The following NLGN1 variants were observed in gnomAD, a reference collection of about 807,000 sequenced individuals.
NLGN1 encodes the protein neuroligin-1.
NLGN1 carries 12 observed loss-of-function variants against 65.5 expected under a neutral mutation model. The ratio of observed to expected loss-of-function variants is 0.18; its 90% confidence interval spans 0.12 to 0.30. The LOEUF (loss-of-function observed/expected upper bound fraction) is 0.30, where lower values mean the gene tolerates loss of function less well. Among genes scored for constraint, NLGN1 ranks in the 10% least tolerant of loss-of-function variants. The pLI is 1.00. For synonymous variants in NLGN1, 350 were observed against 359.5 expected, an observed-to-expected ratio of 0.97 and a Z score of 0.30; for missense variants, 750 against 1,007.1, an observed-to-expected ratio of 0.74 and a Z score of 3.46.
intron 1 of NLGN1, among the ~76,000 whole-genome samples, chr3:173,415,728 G>A (rs1278669913): frequency 6.6e-6 from 1 of 152,100 alleles, no homozygotes; most frequent in Non-Finnish European, 1.5e-5. Context: ...AGAGAAAAAG[G>A]TAATATATTG....
intron 3 of NLGN1, among the ~76,000 whole-genome samples, chr3:173,683,717 C>T (rs967552643): frequency 9.9e-5 from 15 of 152,060 alleles, no homozygotes; most frequent in African/African-American, 1.4e-4. Flanking sequence ...TTAGTTGATA[C>T]GATCAAATAA....
intron 4 of NLGN1, among the ~76,000 whole-genome samples, chr3:174,148,928 A>G (rs1181029723): frequency 6.6e-6 from 1 of 152,196 alleles, no homozygotes; most frequent in African/African-American, 2.4e-5. Flanking sequence ...AAGGTATTGC[A>G]GTGTGTCATT....
intron 4 of NLGN1, among the ~76,000 whole-genome samples, chr3:173,872,296 C>T (rs1053967116): frequency 6.6e-6 from 1 of 152,166 alleles, no homozygotes. Context: ...TTTTCTAATG[C>T]GTCCCCAGTG....
intron 3 of NLGN1, among the ~76,000 whole-genome samples, chr3:173,803,120 C>T (rs942062853): frequency 2.0e-5 from 3 of 151,976 alleles, no homozygotes; most frequent in South Asian, 2.1e-4. Flanking sequence ...GGGTTACAGG[C>T]GTGAGCCACC....
In NLGN1 at chr3:173,698,837, A is replaced by T. The variant is rs1766646031; in HGVS notation, c.493+93746A>T. Among the ~76,000 whole-genome samples, 5 of 110,802 alleles carry T rather than the reference A, an allele frequency of 4.5e-5. No homozygotes were observed. In the Admixed American group the frequency reaches 5.0e-4, roughly 11 times the overall value. 72.7% of individuals were successfully genotyped at this position (110,802 alleles called of 152,430 possible). A position where few individuals can be genotyped will look rare whatever the true frequency, so the allele number is the denominator to read the frequency against. On this transcript the variant is annotated intron_variant, in intron 3 of 6. Coordinates refer to ENST00000457714, the Ensembl canonical transcript of NLGN1. ...GAAATGTTGTGTATTGTGCAATTAG[A>T]AAACAGGAATTTTTTTTGTTGTTTG...
intron 4 of NLGN1, among the ~76,000 whole-genome samples, chr3:174,158,520 G>A (rs1478210451): frequency 6.6e-6 from 1 of 151,668 alleles, no homozygotes; most frequent in Non-Finnish European, 1.5e-5. Context: ...ACTACTCAGT[G>A]TTGTCTATGG....
intron 4 of NLGN1, among the ~76,000 whole-genome samples, chr3:173,857,650 G>C (rs908420578): frequency 6.6e-6 from 1 of 151,958 alleles, no homozygotes; most frequent in Admixed American, 6.6e-5. Context: ...GAAGAAGGTG[G>C]CCTCTAAAAT....
chr3:174,208,665 A>G (rs1400557011), intron 4 of NLGN1, among the ~76,000 whole-genome samples: 2 of 7,324 alleles, frequency 2.7e-4, no homozygotes, highest in South Asian at 1.9e-3. Context: ...CATTATAGGG[A>G]AAAAAAAAAA....
Position 174,280,709 on chromosome 3 carries a change from A to T in NLGN1, c.1878A>T (p.Thr626=), listed in dbSNP as rs373961313. 2.0e-5 allele frequency: 32 copies of T among 1,613,258 alleles called. No homozygotes were observed. The highest frequency in any genetic ancestry group is 2.7e-5 in the Non-Finnish European group (32 of 1,179,586). ...ACATTTCTCAGTATACCTCTACAAC[A>T]ACTAAAGTGCCATCAACTGACATCA... is the stretch of plus-strand genomic sequence containing the variant. Residue 626 remains threonine, a synonymous_variant, in exon 7 of 7, where the codon ACA becomes ACT. Transcript: ENST00000457714. This position sits in a 1 kb window ranked among gnomAD's most constrained non-coding sequence, Gnocchi z 4.9.
intron 4 of NLGN1, among the ~76,000 whole-genome samples, chr3:174,262,178 A>T (rs1197242230): frequency 8.9e-6 from 1 of 111,892 alleles, no homozygotes; most frequent in Admixed American, 8.9e-5. Context: ...TGGCTTTGAT[A>T]TCAGAATGAT....
intron 4 of NLGN1, among the ~76,000 whole-genome samples, chr3:173,957,323 C>T (rs759590625): frequency 4.6e-5 from 7 of 152,100 alleles, no homozygotes; most frequent in Non-Finnish European, 8.8e-5. Flanking sequence ...TCAAATTCTG[C>T]AGATCATAAT....
chr3:173,852,201 A>G (rs1727074389), intron 4 of NLGN1, among the ~76,000 whole-genome samples: 1 of 151,028 alleles, frequency 6.6e-6, no homozygotes, highest in South Asian at 2.1e-4. Flanking sequence ...CTAAAAATAC[A>G]AAAAATTAGC....
At chr3:173,887,812 T>C (rs753445543) in intron 4 of NLGN1, among the ~76,000 whole-genome samples, 7 of 151,992 alleles carry the variant, frequency 4.6e-5, no homozygotes, top group Non-Finnish European at 7.4e-5. Flanking sequence ...TTTTTAAAAC[T>C]ATCAATCTGT....
chr3:173,563,775 A>T (rs1743180122), intron 2 of NLGN1, among the ~76,000 whole-genome samples: 2 of 152,054 alleles, frequency 1.3e-5, no homozygotes, highest in Non-Finnish European at 2.9e-5. Flanking sequence ...CCTCTATTAC[A>T]TCCACCCCAG....
intron 4 of NLGN1, among the ~76,000 whole-genome samples, chr3:174,246,743 A>AT (rs35025251): frequency 0.11 from 16,108 of 150,298 alleles, 872 homozygotes; most frequent in Non-Finnish European, 0.13. Flanking sequence ...TAATAAAGCT[A>AT]TTTTTTTTTT....
At position 174,072,637 on chromosome 3, in the gene NLGN1, G is replaced by C. The variant is rs536533831; in HGVS notation, c.647-202678G>C. Among the ~76,000 whole-genome samples the C allele has an allele frequency of 2.0e-5, 3 of 152,230 alleles. No homozygotes were observed. In the East Asian group the frequency reaches 5.8e-4, roughly 30 times the overall value. ...GCCACGTCTGTAAAGCTGTCTAACTGCTTCCCACAAAGCTTGCAGTCCAGA... is the reference window on the plus strand; with the variant it reads ...GCCACGTCTGTAAAGCTGTCTAACTCCTTCCCACAAAGCTTGCAGTCCAGA... On this transcript the variant is annotated intron_variant, in intron 4 of 6. Transcript: ENST00000457714.
At chr3:173,616,870 C>T (rs1753180198) in intron 3 of NLGN1, among the ~76,000 whole-genome samples, 1 of 152,074 alleles carries the variant, frequency 6.6e-6, no homozygotes, top group South Asian at 2.1e-4. Context: ...TCTTAATTCC[C>T]CTCAAGGATT....
chr3:173,459,230 A>G (rs946251809), intron 2 of NLGN1, among the ~76,000 whole-genome samples: 3 of 152,140 alleles, frequency 2.0e-5, no homozygotes, highest in Non-Finnish European at 2.9e-5. Context: ...TAGTTAAAAT[A>G]TATTTATTTA....
intron 2 of NLGN1, among the ~76,000 whole-genome samples, chr3:173,551,195 G>C (rs906456281): frequency 2.6e-5 from 4 of 152,154 alleles, no homozygotes; most frequent in Non-Finnish European, 5.9e-5. Flanking sequence ...AGGAATCTTA[G>C]TGATAAATAG....
Sources: allele counts gnomAD v4.1 joint callset (sites outside exome capture counted in the v4.1 genomes callset), GRCh38; gene constraint gnomAD v4.1.1; non-coding constraint Gnocchi (gnomAD v3.1); transcripts MANE v1.5; gene names NCBI Gene and HGNC (gene_info 2026-07-23, HGNC 2026-07-21).